HYDIN: variants seen among roughly 807,000 people sequenced by gnomAD.
HYDIN encodes axonemal central pair apparatus protein HYDIN.
A neutral mutation model predicts 403.9 loss-of-function variants in HYDIN; 132 were observed. The observed-to-expected ratio is 0.33, with a 90% CI of 0.28 to 0.38. HYDIN has a LOEUF of 0.38. Ranked by LOEUF, HYDIN falls within the 10% of genes least tolerant of loss-of-function variation. The pLI, the probability that HYDIN is intolerant of heterozygous loss-of-function variation, is 1.00. For missense variants in HYDIN, 2,827 were observed against 5,009.5 expected (o/e 0.56, Z 13.15); for synonymous variants, 1,202 against 1,891.7 (o/e 0.64, Z 9.46).
chr16:70,992,129 G>A lies in HYDIN; in HGVS notation c.3726C>T (p.Ser1242=), dbSNP rs1260694862. ...CTACTGTAACTAGGATTGCTGGTGG[G>A]CTGGCAGCCTCTGAGGTTGCTGGGA... ...ESIPATSEAA[S]PPAILVTVES... The change falls in exon 24 of 86, where the codon AGC becomes AGT. Residue 1242 remains serine (S), a synonymous_variant. Coordinates refer to ENST00000393567, the MANE Select transcript of HYDIN (RefSeq NM_001270974.2). 1 of 1,612,674 alleles carries A rather than the reference G, an allele frequency of 6.2e-7. No homozygotes were observed. Among genetic ancestry groups the A allele is most frequent in the East Asian group, 2.2e-5 (1 of 44,868 alleles).
At position 70,920,646 on chromosome 16, in the gene HYDIN, T is replaced by C; in HGVS notation, c.7730A>G (p.Glu2577Gly). The change falls in exon 46 of 86, where the codon GAA (glutamate) becomes GGA (glycine). Residue 2577 changes from glutamate to glycine, a missense_variant. Transcript: ENST00000393567. Reference sequence around the variant, plus strand: ...TAGGGCCTGCTTCCAGCTCAAGCCTTCAAAGTCTGGTGTCTGGATGTCTAG... The same window carrying C: ...TAGGGCCTGCTTCCAGCTCAAGCCTCCAAAGTCTGGTGTCTGGATGTCTAG... ...PFLDIQTPDFEGLSWKQALES... is the reference protein window; with the variant it reads ...PFLDIQTPDFGGLSWKQALES... 6.2e-7 allele frequency: 1 copy of C among 1,613,992 alleles called. No homozygotes were observed. Among genetic ancestry groups the C allele is most frequent in the Non-Finnish European group, 8.5e-7 (1 of 1,179,982 alleles).
chr16:71,041,602 T>C (rs2081289389), intron 18 of HYDIN, among the ~76,000 whole-genome samples: 1 of 152,012 alleles, frequency 6.6e-6, no homozygotes, highest in African/African-American at 2.4e-5. Context: ...TGAGTGAAAA[T>C]AACTGGTAAC....
chr16:71,184,827 G>A (rs765548408), intron 3 of HYDIN, 38 bp downstream of exon 3: 1 of 1,525,836 alleles, frequency 6.6e-7, no homozygotes, highest in Non-Finnish European at 8.9e-7. Context: ...GTTGTGCCAG[G>A]GCCCACTTTA....
At chr16:70,978,082 T>C (rs1363698818) in intron 30 of HYDIN, among the ~76,000 whole-genome samples, 1 of 151,894 alleles carries the variant, frequency 6.6e-6, no homozygotes. Flanking sequence ...TGCACAGAAA[T>C]CTCACATTCG....
At chr16:71,020,626 T>C (rs2080449631) in intron 21 of HYDIN, among the ~76,000 whole-genome samples, 1 of 152,040 alleles carries the variant, frequency 6.6e-6, no homozygotes, top group Non-Finnish European at 1.5e-5. Context: ...CTGGCCAACA[T>C]GGTGAAACCC....
intron 11 of HYDIN, among the ~76,000 whole-genome samples, chr16:71,089,771 GAGA>G (rs1166009601): frequency 6.6e-6 from 1 of 152,094 alleles, no homozygotes; most frequent in African/African-American, 2.4e-5. Context: ...TTCCTGTTTT[GAGA>G]AGATGAGTGG....
At chr16:71,177,317 T>C (rs949435271) in intron 4 of HYDIN, among the ~76,000 whole-genome samples, 5 of 152,108 alleles carry the variant, frequency 3.3e-5, no homozygotes, top group Admixed American at 6.5e-5. Context: ...AAAAGTAATA[T>C]AGAAAGGGAA....
intron 19 of HYDIN, among the ~76,000 whole-genome samples, chr16:71,030,484 G>A (rs2080868298): frequency 6.6e-6 from 1 of 150,384 alleles, no homozygotes; most frequent in Non-Finnish European, 1.5e-5. Flanking sequence ...CCAGGCTGGA[G>A]TGCAGTGGTA....
Position 70,943,880 on chromosome 16 carries a change from C to T in HYDIN, c.6601G>A (p.Glu2201Lys), listed in dbSNP as rs200310909. Reference sequence around the variant, plus strand: ...AGCACACAGCTCATCAGCCCGGTCTCGCCTCCGACACTGGGACTAACACTG... The same window carrying T: ...AGCACACAGCTCATCAGCCCGGTCTTGCCTCCGACACTGGGACTAACACTG... ...WLSVSPSVGG[E>K]TGLMSCVLPD... is the part of the protein sequence containing the mutation. The change falls in exon 42 of 86, where the codon GAG becomes AAG. Residue 2201 changes from glutamate to lysine, a missense_variant. Coordinates refer to ENST00000393567, the MANE Select transcript of HYDIN (RefSeq NM_001270974.2). The T allele has an allele frequency of 5.6e-5, 90 of 1,613,584 alleles. No homozygotes were observed. The highest frequency in any genetic ancestry group is 6.7e-5 in the East Asian group (3 of 44,884).
intron 35 of HYDIN, among the ~76,000 whole-genome samples, chr16:70,972,856 T>C (rs1296396252): frequency 6.6e-6 from 1 of 152,248 alleles, no homozygotes; most frequent in Non-Finnish European, 1.5e-5. Context: ...CTCTGAAAAC[T>C]AAGTTGTACA....
chr16:71,125,819 C>T (rs1364574522), intron 9 of HYDIN, among the ~76,000 whole-genome samples: 1 of 152,180 alleles, frequency 6.6e-6, no homozygotes, highest in Non-Finnish European at 1.5e-5. Flanking sequence ...TTTCTGACCA[C>T]CCCTGGGCTG....
chr16:70,963,304 T>A (rs2078476436), intron 37 of HYDIN, among the ~76,000 whole-genome samples: 1 of 150,756 alleles, frequency 6.6e-6, no homozygotes, highest in Non-Finnish European at 1.5e-5. Context: ...ATGGTGTCCT[T>A]TCCCAATTCA....
rs1452212781 is a variant in HYDIN at position 70,954,188 on chromosome 16, G to A, written c.6316+1187C>T. 4.8e-5 allele frequency among the ~76,000 whole-genome samples: 3 copies of A among 62,448 alleles called. No individual in the cohort carries two copies. The Admixed American group carries it at 6.0e-4, about 12-fold the overall frequency. The allele number at this position is 62,448 out of a possible 152,430, so 41.0% of individuals were successfully genotyped here. ...GCCACACCAGACCTCCCCACTATGC[G>A]ATTCCAAAACTCAATTCAGGCTAGG... On this transcript the variant is annotated intron_variant, in intron 40 of 85. Transcript: ENST00000393567.
intron 1 of HYDIN, among the ~76,000 whole-genome samples, chr16:71,193,181 T>G (rs957126542): frequency 6.6e-6 from 1 of 152,258 alleles, no homozygotes; most frequent in Non-Finnish European, 1.5e-5. Context: ...AATTGGCACA[T>G]ACAAGGAGCT....
rs531333355 is a variant in HYDIN at position 70,905,901 on chromosome 16, T to A, written c.8516+1471A>T. On this transcript the variant is annotated intron_variant, in intron 50 of 85. Transcript: ENST00000393567. ...CCTCCTAAGCCCTCCTGTCTGGCTTTGAAGATCTTCTCCATCATCAGCAAA... is the reference window on the plus strand; with the variant it reads ...CCTCCTAAGCCCTCCTGTCTGGCTTAGAAGATCTTCTCCATCATCAGCAAA... 3.3e-5 allele frequency among the ~76,000 whole-genome samples: 5 copies of A among 151,942 alleles called. No individual in the cohort carries two copies. The East Asian group carries it at 9.7e-4, about 29-fold the overall frequency.
chr16:70,879,169 C>T (rs1567752680), intron 62 of HYDIN, 128 bp downstream of exon 62: 2 of 590,356 alleles, frequency 3.4e-6, no homozygotes, highest in African/African-American at 1.9e-5. Context: ...GTCCCTGACA[C>T]ATAGGTTAAT....
At chr16:70,960,678 G>A (rs1446973459) in intron 38 of HYDIN, among the ~76,000 whole-genome samples, 2 of 152,088 alleles carry the variant, frequency 1.3e-5, no homozygotes, top group African/African-American at 4.8e-5. Context: ...CTTAAATACA[G>A]GTCTAGCTCA....
chr16:71,133,970 G>A (rs2084814088), intron 8 of HYDIN, among the ~76,000 whole-genome samples: 2 of 152,114 alleles, frequency 1.3e-5, no homozygotes, highest in Admixed American at 6.5e-5. Context: ...TTGCCCAAGT[G>A]TGTAGCATGG....
chr16:70,978,855 G>T (rs2078963413), intron 30 of HYDIN, 59 bp downstream of exon 30: 4 of 1,393,014 alleles, frequency 2.9e-6, no homozygotes, highest in African/African-American at 1.4e-5. Flanking sequence ...CAACTCCTAT[G>T]CACTCTGCAC....
Sources: gnomAD v4.1 joint callset for allele counts (sites outside exome capture counted in the v4.1 genomes callset) on GRCh38, gnomAD v4.1.1 for gene constraint, MANE v1.5 for transcripts, NCBI Gene and HGNC (gene_info 2026-07-23, HGNC 2026-07-21) for gene names.